TAFA4: variants seen among roughly 807,000 people sequenced by gnomAD.
The protein encoded by TAFA4 is TAFA chemokine like family member 4.
A neutral mutation model predicts 21.1 loss-of-function variants in TAFA4; 20 were observed. The ratio of observed to expected loss-of-function variants is 0.95; its 90% CI spans 0.67 to 1.38. The LOEUF (loss-of-function observed/expected upper bound fraction) is 1.38, where lower values mean the gene tolerates loss of function less well. TAFA4 is among the 40% of genes most tolerant of loss of function. The pLI is 0.00. For synonymous variants in TAFA4, 71 were observed against 67.4 expected, an observed-to-expected ratio of 1.05 and a Z score of -0.26; for missense variants, 211 against 180.9, an observed-to-expected ratio of 1.17 and a Z score of -0.95.
intron 4 of TAFA4, among the ~76,000 whole-genome samples, chr3:68,741,526 G>C (rs1702352006): frequency 6.6e-6 from 1 of 152,146 alleles, no homozygotes; most frequent in South Asian, 2.1e-4. Context: ...CGGGTGCCGT[G>C]ACTCATGCCT....
intron 4 of TAFA4, among the ~76,000 whole-genome samples, chr3:68,741,298 T>C (rs1466541426): frequency 6.6e-6 from 1 of 152,234 alleles, no homozygotes; most frequent in Non-Finnish European, 1.5e-5. Flanking sequence ...CTTTCATTAA[T>C]GTCTTACAGT....
chr3:68,827,076 C>G (rs896913783), intron 3 of TAFA4, among the ~76,000 whole-genome samples: 1 of 138,266 alleles, frequency 7.2e-6, no homozygotes, highest in African/African-American at 2.7e-5. Context: ...TAATGTTCCT[C>G]TCTCTGTGTC....
intron 3 of TAFA4, among the ~76,000 whole-genome samples, chr3:68,849,072 A>G (rs556541201): frequency 6.6e-6 from 1 of 152,338 alleles, no homozygotes; most frequent in South Asian, 2.1e-4. Flanking sequence ...ATAAAAATAC[A>G]ATGATAAATA....
Position 68,815,703 on chromosome 3 carries a change from T to G in TAFA4, c.131-62685A>C, listed in dbSNP as rs192480667. 9.2e-3 allele frequency among the ~76,000 whole-genome samples: 1,403 copies of G among 152,264 alleles called. 13 individuals are homozygous for G. The highest frequency in any genetic ancestry group is 0.032 in the African/African-American group (1,324 of 41,540). Reference sequence around the variant, plus strand: ...GGATGTGGAGAAATAGGAACACTTTTACACTGTTGGTGGGACTGCAAACTA... The same window carrying G: ...GGATGTGGAGAAATAGGAACACTTTGACACTGTTGGTGGGACTGCAAACTA... On this transcript the variant is annotated intron_variant, in intron 3 of 5. Transcript: ENST00000295569.
chr3:68,741,301 C>G (rs986287346), intron 4 of TAFA4, among the ~76,000 whole-genome samples: 2 of 152,094 alleles, frequency 1.3e-5, no homozygotes, highest in African/African-American at 4.8e-5. Context: ...TCATTAATGT[C>G]TTACAGTTTT....
intron 3 of TAFA4, among the ~76,000 whole-genome samples, chr3:68,782,198 A>G (rs950075703): frequency 2.6e-5 from 4 of 152,226 alleles, no homozygotes; most frequent in African/African-American, 7.2e-5. Context: ...GCTTGAATAG[A>G]TATTTCTCCA....
At chr3:68,910,453 T>C (rs1281756817) in intron 1 of TAFA4, among the ~76,000 whole-genome samples, 2 of 152,170 alleles carry the variant, frequency 1.3e-5, no homozygotes, top group Non-Finnish European at 1.5e-5. Context: ...GTCTCCTCAA[T>C]GGCATTGAAA....
At chr3:68,882,979 A>G (rs1423768944) in intron 2 of TAFA4, 1 of 152,250 alleles carries the variant, frequency 6.6e-6, no homozygotes, top group Non-Finnish European at 1.5e-5. Context: ...CTATAGCCAT[A>G]CTACCCTCAA....
At chr3:68,829,811 C>T (rs9756925) in intron 3 of TAFA4, among the ~76,000 whole-genome samples, 68,681 of 151,874 alleles carry the variant, frequency 0.45, 16,148 homozygotes, top group African/African-American at 0.54. Context: ...TGAATCTGTC[C>T]GGTCCTGGAC....
intron 3 of TAFA4, among the ~76,000 whole-genome samples, chr3:68,767,322 C>CA (rs1702873597): frequency 6.6e-6 from 1 of 152,016 alleles, no homozygotes. Flanking sequence ...GCCCCAGACT[C>CA]AGTTTTTCAA....
chr3:68,780,003 C>T (rs574761164), intron 3 of TAFA4, among the ~76,000 whole-genome samples: 1 of 152,288 alleles, frequency 6.6e-6, no homozygotes, highest in African/African-American at 2.4e-5. Flanking sequence ...TGTGGGAGCC[C>T]ACCTCTTGCA....
intron 4 of TAFA4, among the ~76,000 whole-genome samples, chr3:68,752,384 T>G (rs1174689292): frequency 6.6e-6 from 1 of 152,224 alleles, no homozygotes; most frequent in Non-Finnish European, 1.5e-5. Flanking sequence ...AAATGAACGA[T>G]ACATGATTCC....
intron 3 of TAFA4, among the ~76,000 whole-genome samples, chr3:68,779,884 G>A (rs191339480): frequency 1.2e-3 from 180 of 152,308 alleles, no homozygotes; most frequent in Middle Eastern, 3.4e-3. Flanking sequence ...TCCACCAACA[G>A]CTTGCACCGT....
intron 3 of TAFA4, among the ~76,000 whole-genome samples, chr3:68,856,664 G>A (rs191012229): frequency 1.3e-5 from 2 of 152,192 alleles, no homozygotes; most frequent in African/African-American, 4.8e-5. Flanking sequence ...TTCCACTTTC[G>A]CTTCTAGCAC....
chr3:68,919,802 T>C (rs1553654707), intron 1 of TAFA4, among the ~76,000 whole-genome samples: 1 of 152,090 alleles, frequency 6.6e-6, no homozygotes, highest in Non-Finnish European at 1.5e-5. Context: ...TGTTCTGGAG[T>C]TAACATATCT....
intron 3 of TAFA4, among the ~76,000 whole-genome samples, chr3:68,789,717 CATGTAATT>C (rs1703328168): frequency 6.6e-6 from 1 of 152,142 alleles, no homozygotes; most frequent in Non-Finnish European, 1.5e-5. Flanking sequence ...CGTTCACTGC[CATGTAATT>C]AGTTTCAACT....
intron 2 of TAFA4, among the ~76,000 whole-genome samples, chr3:68,883,659 A>G (rs1395736123): frequency 6.6e-6 from 1 of 152,242 alleles, no homozygotes; most frequent in African/African-American, 2.4e-5. Context: ...CCATAAATTG[A>G]TCGATAATTT....
intron 3 of TAFA4, among the ~76,000 whole-genome samples, chr3:68,778,477 C>G (rs1703090668): frequency 6.6e-6 from 1 of 152,124 alleles, no homozygotes; most frequent in African/African-American, 2.4e-5. Flanking sequence ...TTGGCTGTGC[C>G]CTCACCCAAA....
chr3:68,918,188 G>A (rs1008413831), intron 1 of TAFA4, among the ~76,000 whole-genome samples: 1 of 151,858 alleles, frequency 6.6e-6, no homozygotes, highest in Non-Finnish European at 1.5e-5. Flanking sequence ...AAGGAAATCA[G>A]GTACAGAGCC....
Sources: allele counts gnomAD v4.1 joint callset (sites outside exome capture counted in the v4.1 genomes callset), GRCh38; gene constraint gnomAD v4.1.1; transcripts MANE v1.5; gene names NCBI Gene and HGNC (gene_info 2026-07-23, HGNC 2026-07-21).